Variants in OPCML observed in about 807,000 individuals in gnomAD.
The protein encoded by OPCML is opioid binding protein/cell adhesion molecule like.
OPCML carries 13 observed loss-of-function variants against 37.8 expected under a neutral mutation model. That is an observed-to-expected ratio of 0.34 (90% CI 0.22 to 0.55). The LOEUF (loss-of-function observed/expected upper bound fraction) is 0.55, where lower values mean the gene tolerates loss of function less well. Ranked by LOEUF, OPCML falls within the 20% of genes least tolerant of loss-of-function variation. OPCML has a pLI of 0.91. For synonymous variants in OPCML, 176 were observed against 168.8 expected (o/e 1.04, Z -0.33); for missense variants, 341 against 435.6 (o/e 0.78, Z 1.93).
At chr11:132,636,818 G>A (rs1173742638) in intron 3 of OPCML, among the ~76,000 whole-genome samples, 1 of 152,118 alleles carries the variant, frequency 6.6e-6, no homozygotes, top group East Asian at 1.9e-4. Flanking sequence ...ATCAGGTAAA[G>A]TACTGTCTGC....
chr11:133,123,796 G>A (rs1949456223), intron 1 of OPCML, among the ~76,000 whole-genome samples: 1 of 152,108 alleles, frequency 6.6e-6, no homozygotes, highest in African/African-American at 2.4e-5. Flanking sequence ...GGGTTATGGG[G>A]TTTTAATTAA....
intron 2 of OPCML, among the ~76,000 whole-genome samples, chr11:132,881,888 T>C (rs1207316067): frequency 6.6e-6 from 1 of 152,220 alleles, no homozygotes; most frequent in East Asian, 1.9e-4. Context: ...GGAAATGTGG[T>C]TGATTTGCAT....
intron 1 of OPCML, among the ~76,000 whole-genome samples, chr11:133,219,843 C>T (rs1939742346): frequency 6.6e-6 from 1 of 152,236 alleles, no homozygotes. Flanking sequence ...GTCAGCGATG[C>T]TGCTAATATC....
At chr11:132,781,947 T>TAC (rs1947037499) in intron 2 of OPCML, among the ~76,000 whole-genome samples, 1 of 59,900 alleles carries the variant, frequency 1.7e-5, no homozygotes, top group Non-Finnish European at 3.7e-5. Flanking sequence ...CATATATATA[T>TAC]ATATATATTT....
chr11:133,323,326 T>G (rs1943376646), intron 1 of OPCML, among the ~76,000 whole-genome samples: 1 of 152,226 alleles, frequency 6.6e-6, no homozygotes, highest in South Asian at 2.1e-4. Context: ...TCAATTCTAA[T>G]GCTTATGTAA....
chr11:132,932,691 T>TA (rs1945248210), intron 2 of OPCML, among the ~76,000 whole-genome samples: 2 of 143,658 alleles, frequency 1.4e-5, no homozygotes, highest in South Asian at 2.2e-4. Context: ...TATATATATA[T>TA]TATATATATA....
At chr11:132,638,571 G>A (rs1455496757) in intron 3 of OPCML, among the ~76,000 whole-genome samples, 2 of 152,118 alleles carry the variant, frequency 1.3e-5, no homozygotes, top group African/African-American at 4.8e-5. Flanking sequence ...CACAAGATAT[G>A]TAACTTCCCC....
chr11:132,689,548 AAC>A (rs2135883999), intron 2 of OPCML, among the ~76,000 whole-genome samples: 1 of 152,334 alleles, frequency 6.6e-6, no homozygotes, highest in African/African-American at 2.4e-5. Context: ...AGCTTAGAAA[AAC>A]ATTTGTTTAG....
chr11:133,275,118 G>C lies in OPCML; in HGVS notation c.61+257146C>G, dbSNP rs543319232. ...TTTGCTTGGCAGAATCCCAGCAAAG[G>C]GGGTGGGAGGCTGGGTAAATATTGG... On this transcript the variant is annotated intron_variant, in intron 1 of 7. Transcript: ENST00000524381. 7.0e-4 allele frequency among the ~76,000 whole-genome samples: 107 copies of C among 152,270 alleles called. 1 individual carries two copies. Among genetic ancestry groups the C allele is most frequent in the Non-Finnish European group, 1.2e-3 (83 of 68,014 alleles).
intron 1 of OPCML, among the ~76,000 whole-genome samples, chr11:133,175,850 G>A (rs778838665): frequency 3.3e-5 from 5 of 152,112 alleles, no homozygotes; most frequent in Non-Finnish European, 5.9e-5. Flanking sequence ...GATGAGACCT[G>A]TATGTTGGGA....
At chr11:132,900,164 C>A (rs1943999187) in intron 2 of OPCML, among the ~76,000 whole-genome samples, 1 of 152,244 alleles carries the variant, frequency 6.6e-6, no homozygotes, top group East Asian at 1.9e-4. Flanking sequence ...TTCCAAGTAG[C>A]CATGCCCACA....
In OPCML at chr11:132,656,423, G is replaced by A. The variant is rs559882043; in HGVS notation, c.379+664C>T. Among the ~76,000 whole-genome samples the A allele has an allele frequency of 3.3e-5, 5 of 152,214 alleles. No individual in the cohort carries two copies. In the South Asian group the frequency reaches 8.3e-4, roughly 25 times the overall value. On this transcript the variant is annotated intron_variant, in intron 3 of 7. Transcript: ENST00000524381. ...CGTGACACAATTCCTGGGCTATGTC[G>A]ATTCAAGTTTTTAAAGGAGAATGGA... is the stretch of plus-strand genomic sequence containing the variant.
rs73035333 is a variant in OPCML, at chr11:132,520,702, G to A, written c.505+8359C>T. On this transcript the variant is annotated intron_variant, in intron 4 of 7. Coordinates refer to ENST00000524381, the MANE Select transcript of OPCML (RefSeq NM_001012393.5). ...TGTGTGTGTGTGTGTGTGTGTGTGT[G>A]TATGCATATAGTATTATATATAAAG... 6.1e-4 allele frequency among the ~76,000 whole-genome samples: 91 copies of A among 149,694 alleles called. 1 individual carries two copies. The highest frequency in any genetic ancestry group is 3.4e-3 in the Middle Eastern group (1 of 292).
intron 2 of OPCML, among the ~76,000 whole-genome samples, chr11:132,662,325 T>C (rs1272457177): frequency 1.3e-5 from 2 of 150,688 alleles, no homozygotes; most frequent in African/African-American, 4.9e-5. Context: ...GGAATTTTAA[T>C]CAAAATAATC....
At position 132,657,129 on chromosome 11, in the gene OPCML, C is replaced by T. The variant is rs761195538; in HGVS notation, c.337G>A (p.Asp113Asn). Residue 113 changes from aspartate to asparagine, a missense_variant, in exon 3 of 8, where the codon GAC becomes AAC. By Grantham distance (23) the Asp-to-Asn change is conservative (BLOSUM62 1). Coordinates refer to ENST00000524381, the MANE Select transcript of OPCML (RefSeq NM_001012393.5). ...EGPYTCSVQT[D>N]NHPKTSRVHL... ...ACCCGGGACGTTTTGGGATGATTGT[C>T]TGTCTGCACAGAGCAGGTGTACGGA... 3.1e-5 allele frequency: 50 copies of T among 1,614,126 alleles called. No homozygotes were observed. In the South Asian group the frequency reaches 5.0e-4, roughly 16 times the overall value.
chr11:132,561,817 C>T (rs1340891137), intron 3 of OPCML, among the ~76,000 whole-genome samples: 1 of 152,204 alleles, frequency 6.6e-6, no homozygotes, highest in Non-Finnish European at 1.5e-5. Context: ...CAACCAAATA[C>T]ATGTGTTGAC....
chr11:133,378,092 T>C (rs937141668), intron 1 of OPCML, among the ~76,000 whole-genome samples: 1 of 152,272 alleles, frequency 6.6e-6, no homozygotes, highest in African/African-American at 2.4e-5. Flanking sequence ...TTTCTTTTTA[T>C]GCGTCAGGCG....
intron 1 of OPCML, among the ~76,000 whole-genome samples, chr11:133,471,123 A>G (rs140075622): frequency 1.3e-5 from 2 of 152,326 alleles, no homozygotes; most frequent in Non-Finnish European, 2.9e-5. Context: ...GACAGCTAGC[A>G]ATACAGGAAA....
intron 3 of OPCML, among the ~76,000 whole-genome samples, chr11:132,567,874 C>T (rs1418145238): frequency 6.6e-6 from 1 of 152,118 alleles, no homozygotes; most frequent in Admixed American, 6.5e-5. Flanking sequence ...TTGCACAGAA[C>T]AGTTGTTGCA....
Sources: gnomAD v4.1 joint callset for allele counts (sites outside exome capture counted in the v4.1 genomes callset) on GRCh38, gnomAD v4.1.1 for gene constraint, MANE v1.5 for transcripts, NCBI Gene and HGNC (gene_info 2026-07-23, HGNC 2026-07-21) for gene names.